The following S100PBP variants were observed in gnomAD, a reference collection of about 807,000 sequenced individuals.
S100PBP encodes the protein S100P-binding protein.
Under a neutral mutation model 39.9 loss-of-function variants are expected in S100PBP, and 15 were observed. That is an observed-to-expected ratio of 0.38 (90% CI 0.25 to 0.58). S100PBP has a LOEUF of 0.58. S100PBP is among the 20% of genes least tolerant of loss of function. S100PBP has a pLI of 0.70. For synonymous variants in S100PBP, 178 were observed against 180.3 expected, an observed-to-expected ratio of 0.99 and a Z score of 0.10; for missense variants, 504 against 487.3, an observed-to-expected ratio of 1.03 and a Z score of -0.32.
intron 5 of S100PBP, among the ~76,000 whole-genome samples, chr1:32,832,566 A>G (rs925023857): frequency 5.9e-5 from 9 of 152,278 alleles, no homozygotes; most frequent in African/African-American, 9.6e-5. Context: ...AAGTTTTTCT[A>G]TCACTTCCCA....
In S100PBP at chr1:32,835,891, T is replaced by C. The variant is rs544358432; in HGVS notation, c.1024+5824T>C. The C allele has an allele frequency of 1.6e-4, 24 of 152,326 alleles. No homozygotes were observed. In the South Asian group the frequency reaches 4.8e-3, roughly 30 times the overall value. 9.4% of individuals were successfully genotyped at this position (152,326 alleles called of 1,614,324 possible). A position where few individuals can be genotyped will look rare whatever the true frequency, so the allele number is the denominator to read the frequency against. Reference sequence around the variant, plus strand: ...TAGACATTTGGGTTGCTTCCACTTCTTGGCTATTGTGAATTGTGCCACTAT... The same window carrying C: ...TAGACATTTGGGTTGCTTCCACTTCCTGGCTATTGTGAATTGTGCCACTAT... On this transcript the variant is annotated intron_variant, in intron 5 of 6. Transcript: ENST00000373475.
At chr1:32,819,943 C>T (rs1254762266) in intron 1 of S100PBP, among the ~76,000 whole-genome samples, 1 of 152,012 alleles carries the variant, frequency 6.6e-6, no homozygotes, top group East Asian at 1.9e-4. Flanking sequence ...GGTCCAGTAC[C>T]TCTATAAAGG....
chr1:32,822,337 G>A (rs1409924431), intron 1 of S100PBP, among the ~76,000 whole-genome samples: 2 of 152,194 alleles, frequency 1.3e-5, no homozygotes, highest in African/African-American at 4.8e-5. Context: ...AAATGGCCGG[G>A]CGCGGTGGCT....
rs1640604261 is a variant in S100PBP, at chr1:32,851,481, C to T, written c.1025-1598C>T. 3.3e-5 allele frequency among the ~76,000 whole-genome samples: 5 copies of T among 152,170 alleles called. No individual in the cohort carries two copies. The South Asian group carries it at 1.0e-3, about 32-fold the overall frequency. On this transcript the variant is annotated intron_variant, in intron 5 of 6. Transcript: ENST00000373475. ...AGGAGTTCAAGAACAGCCTGGCCAA[C>T]ATGGTGAAACCCTGTCTCTACTAAA...
intron 1 of S100PBP, among the ~76,000 whole-genome samples, chr1:32,822,620 C>CA (rs922887705): frequency 0.19 from 14,495 of 77,482 alleles, 1,100 homozygotes; most frequent in Admixed American, 0.24. Context: ...GACTCCGTTT[C>CA]AAAAAAAAAA....
chr1:32,847,184 A>T (rs889249355), intron 5 of S100PBP: 1 of 152,176 alleles, frequency 6.6e-6, no homozygotes, highest in Non-Finnish European at 1.5e-5. Context: ...TTTTGTATAG[A>T]TCCAAGTTTC....
intron 5 of S100PBP, among the ~76,000 whole-genome samples, chr1:32,830,621 G>C (rs10914624): frequency 0.29 from 44,744 of 152,106 alleles, 6,640 homozygotes; most frequent in Admixed American, 0.32. Flanking sequence ...TCTCAAGAGA[G>C]TACAGTCCAT....
intron 5 of S100PBP, chr1:32,836,639 C>T: frequency 1.1e-6 from 1 of 913,770 alleles, no homozygotes; most frequent in Non-Finnish European, 1.3e-6. Context: ...TTTGGGAGAG[C>T]TTTTTCCTAG....
rs1029281693 is a variant in S100PBP, at chr1:32,826,687, A to G, written c.588A>G (p.Glu196=). The G allele has an allele frequency of 6.2e-7, 1 of 1,614,172 alleles. No homozygotes were observed. The highest frequency in any genetic ancestry group is 1.7e-5 in the Admixed American group (1 of 60,022). ...CAAATGAAAGCAAACTTTGTACTGA[A>G]TCTGAAGGGATCAGCCCCAATAACT... ...LSPNESKLCT[E]SEGISPNNSA... The change falls in exon 3 of 7, where the codon GAA becomes GAG. Residue 196 remains glutamate, a synonymous_variant. Coordinates refer to ENST00000373475, the MANE Select transcript of S100PBP (RefSeq NM_022753.4).
chr1:32,853,306 T>A, intron 6 of S100PBP, 140 bp downstream of exon 6: 1 of 539,432 alleles, frequency 1.9e-6, no homozygotes, highest in Non-Finnish European at 3.4e-6. Flanking sequence ...AAACCCCATA[T>A]CTACCAAAAA....
Position 32,853,073 on chromosome 1 carries a change from T to C in S100PBP, c.1025-6T>C, listed in dbSNP as rs148644391. 5.1e-4 allele frequency: 818 copies of C among 1,606,704 alleles called. 8 individuals carry two copies. In the East Asian group the frequency reaches 0.017, roughly 33 times the overall value. The stretch of plus-strand genomic sequence containing the variant: ...GTTCCTAACCACTGATCCCTCTGTA[T>C]CACAGGTATCTCGGGGGAGCTTTGT... On this transcript the variant is annotated splice_polypyrimidine_tract_variant and splice_region_variant and intron_variant, in intron 5 of 6. Coordinates refer to ENST00000373475, the MANE Select transcript of S100PBP (RefSeq NM_022753.4).
intron 5 of S100PBP, among the ~76,000 whole-genome samples, chr1:32,841,499 GC>G (rs1467125587): frequency 6.6e-6 from 1 of 152,068 alleles, no homozygotes. Flanking sequence ...GGAGGCCAAG[GC>G]AGGCAGATCA....
At chr1:32,819,855 A>C (rs1409997787) in intron 1 of S100PBP, among the ~76,000 whole-genome samples, 1 of 152,154 alleles carries the variant, frequency 6.6e-6, no homozygotes, top group Non-Finnish European at 1.5e-5. Context: ...CTGTGTTTGA[A>C]GTTAACAGTA....
intron 5 of S100PBP, among the ~76,000 whole-genome samples, chr1:32,838,025 C>T (rs1031060155): frequency 2.6e-5 from 4 of 151,966 alleles, no homozygotes; most frequent in Non-Finnish European, 4.4e-5. Context: ...CTGGGTCATA[C>T]GGTAGGTGTG....
chr1:32,832,027 T>C (rs768615066), intron 5 of S100PBP, among the ~76,000 whole-genome samples: 3 of 152,342 alleles, frequency 2.0e-5, no homozygotes, highest in East Asian at 1.9e-4. Context: ...CTATAGTGAA[T>C]AGGCAGCATA....
At chr1:32,852,513 C>T (rs1640654011) in intron 5 of S100PBP, among the ~76,000 whole-genome samples, 1 of 152,160 alleles carries the variant, frequency 6.6e-6, no homozygotes, top group South Asian at 2.1e-4. Context: ...GAGCGCCCAC[C>T]TCCATCTGTT....
At chr1:32,836,905 G>A (rs998557035) in intron 5 of S100PBP, 2 of 152,108 alleles carry the variant, frequency 1.3e-5, no homozygotes, top group Admixed American at 1.3e-4. Context: ...TTGATAGTTT[G>A]ATATAAAATT....
intron 6 of S100PBP, among the ~76,000 whole-genome samples, chr1:32,854,555 A>C (rs1238612516): frequency 6.6e-6 from 1 of 152,306 alleles, no homozygotes; most frequent in East Asian, 1.9e-4. Flanking sequence ...ACTATTTCTC[A>C]TCATTTGACC....
chr1:32,818,080 G>C (rs1214467149), intron 1 of S100PBP: 1 of 153,262 alleles, frequency 6.5e-6, no homozygotes, highest in African/African-American at 2.4e-5. Context: ...CGCGGGTGGG[G>C]GCAGGAAGAG....
Sources: gnomAD v4.1 joint callset for allele counts (sites outside exome capture counted in the v4.1 genomes callset) on GRCh38, gnomAD v4.1.1 for gene constraint, MANE v1.5 for transcripts, NCBI Gene and HGNC (gene_info 2026-07-23, HGNC 2026-07-21) for gene names.